Variants in CDK14 observed in about 807,000 individuals in gnomAD.
The protein encoded by CDK14 is cyclin dependent kinase 14, also known as cyclin-dependent kinase 14.
Under a neutral mutation model 60.7 loss-of-function variants are expected in CDK14, and 34 were observed. That is an observed-to-expected ratio of 0.56 (90% CI 0.43 to 0.75). The LOEUF (loss-of-function observed/expected upper bound fraction) is 0.75. Ranked by LOEUF, CDK14 falls within the 30% of genes least tolerant of loss-of-function variation. The pLI, the probability that CDK14 is intolerant of heterozygous loss-of-function variation, is 0.00. For missense variants in CDK14, 482 were observed against 564.1 expected (o/e 0.85, Z 1.47); for synonymous variants, 197 against 203.7 (o/e 0.97, Z 0.28).
chr7:90,772,631 C>T (rs1049227484), intron 4 of CDK14, among the ~76,000 whole-genome samples: 2 of 152,148 alleles, frequency 1.3e-5, no homozygotes, highest in Admixed American at 1.3e-4. Flanking sequence ...GTGCTTGCTT[C>T]CCCTTCGCCC....
At chr7:90,719,932 A>G (rs1024076193) in intron 2 of CDK14, among the ~76,000 whole-genome samples, 1 of 152,190 alleles carries the variant, frequency 6.6e-6, no homozygotes, top group South Asian at 2.1e-4. Flanking sequence ...ATAGCTGTCT[A>G]CTGGAATTTG....
intron 5 of CDK14, among the ~76,000 whole-genome samples, chr7:90,795,730 A>T (rs958882854): frequency 1.3e-5 from 2 of 152,140 alleles, no homozygotes; most frequent in Non-Finnish European, 2.9e-5. Context: ...AGGGACAGGG[A>T]CTCTGGGCCA....
chr7:91,168,356 C>G (rs996265269), intron 14 of CDK14, among the ~76,000 whole-genome samples: 1 of 151,598 alleles, frequency 6.6e-6, no homozygotes, highest in Non-Finnish European at 1.5e-5. Context: ...GGGCCTGGCA[C>G]ATAGGAAACA....
At chr7:91,077,776 G>A (rs1010325574) in intron 11 of CDK14, among the ~76,000 whole-genome samples, 1 of 140,228 alleles carries the variant, frequency 7.1e-6, no homozygotes, top group African/African-American at 2.7e-5. Flanking sequence ...ACACACACAC[G>A]GGCAAACTTG....
intron 13 of CDK14, 92 bp downstream of exon 13, chr7:91,112,773 T>TA (rs1799502977): frequency 1.5e-6 from 2 of 1,336,156 alleles, no homozygotes; most frequent in Admixed American, 1.8e-5. Flanking sequence ...GATTCACATA[T>TA]TTGTGTGTCC....
intron 14 of CDK14, among the ~76,000 whole-genome samples, chr7:91,185,571 A>G (rs1802151424): frequency 6.6e-6 from 1 of 152,054 alleles, no homozygotes; most frequent in South Asian, 2.1e-4. Flanking sequence ...TCATTATTAC[A>G]TTCATAAGCA....
In CDK14 at chr7:90,610,396, TC is replaced by T. The variant is rs1009832954; in HGVS notation, c.123+6149del. 6.6e-5 allele frequency among the ~76,000 whole-genome samples: 10 copies of T among 152,200 alleles called. 1 individual carries two copies. Among genetic ancestry groups the T allele is most frequent in the Admixed American group, 1.3e-4 (2 of 15,276 alleles). ...AACTGTGGACCATCTTGCATTTGTG[TC>T]CTTGTGCCGCTGGCCTGTTTCCTGC... On this transcript the variant is annotated intron_variant, in intron 2 of 14. Transcript: ENST00000380050.
At chr7:91,013,656 GTT>G (rs56934476) in intron 10 of CDK14, among the ~76,000 whole-genome samples, 234 of 123,372 alleles carry the variant, frequency 1.9e-3, no homozygotes, top group Middle Eastern at 0.014. Flanking sequence ...CATTGCCTCT[GTT>G]TTTTTTTTTT....
intron 4 of CDK14, among the ~76,000 whole-genome samples, chr7:90,760,544 C>CT (rs1804271576): frequency 6.6e-6 from 1 of 152,156 alleles, no homozygotes; most frequent in Non-Finnish European, 1.5e-5. Context: ...ACAAGCTCTG[C>CT]TGTAGGATGC....
chr7:91,005,913 T>C (rs1013258266), intron 10 of CDK14, among the ~76,000 whole-genome samples: 1 of 152,212 alleles, frequency 6.6e-6, no homozygotes, highest in Admixed American at 6.5e-5. Context: ...GGGGTCCACA[T>C]GGCACTTAAC....
chr7:90,860,672 C>T (rs1015180614), intron 5 of CDK14, among the ~76,000 whole-genome samples: 35 of 152,000 alleles, frequency 2.3e-4, no homozygotes, highest in African/African-American at 6.7e-4. Flanking sequence ...ATTACAGGCA[C>T]GTGCCACCAC....
intron 10 of CDK14, among the ~76,000 whole-genome samples, chr7:91,017,005 C>G (rs1796318110): frequency 6.6e-6 from 1 of 152,142 alleles, no homozygotes; most frequent in African/African-American, 2.4e-5. Context: ...AGGCAAAATT[C>G]CTATGGGGCT....
chr7:91,049,793 G>T (rs1404868372), intron 11 of CDK14, among the ~76,000 whole-genome samples: 1 of 152,112 alleles, frequency 6.6e-6, no homozygotes, highest in Non-Finnish European at 1.5e-5. Flanking sequence ...TATGTCTAGG[G>T]ACTGGAGATG....
chr7:91,027,734 C>T, intron 10 of CDK14, among the ~76,000 whole-genome samples: 1 of 142,524 alleles, frequency 7.0e-6, no homozygotes, highest in Admixed American at 7.4e-5. Context: ...GTGGTGAAGT[C>T]TGGGCTTTAG....
Position 91,115,268 on chromosome 7 carries a change from T to G in CDK14, c.1294+2587T>G, listed in dbSNP as rs1299211876. 2.6e-5 allele frequency among the ~76,000 whole-genome samples: 4 copies of G among 152,158 alleles called. No homozygotes were observed. The East Asian group carries it at 7.7e-4, about 29-fold the overall frequency. ...TTAAACAGCAGACATTTATTTCTCT[T>G]GGGGATGGGAGGTCCAAGATAAAGG... On this transcript the variant is annotated intron_variant, in intron 13 of 14. Transcript: ENST00000380050.
rs1799434590 is a variant in CDK14 at position 90,607,136 on chromosome 7, AAG to A, written c.123+2890_123+2891del. ...AAATGACAATTTTATCACATCAGAA[AAG>A]AGCACTAAAACTCTGCTTATGTACA... On this transcript the variant is annotated intron_variant, in intron 2 of 14. Coordinates refer to ENST00000380050, the MANE Select transcript of CDK14 (RefSeq NM_001287135.2). Among the ~76,000 whole-genome samples, 3 of 152,356 alleles carry A rather than the reference AAG, an allele frequency of 2.0e-5. No homozygotes were observed. In the South Asian group the frequency reaches 6.2e-4, roughly 32 times the overall value.
intron 8 of CDK14, among the ~76,000 whole-genome samples, chr7:90,947,762 C>T (rs1172015075): frequency 1.3e-5 from 2 of 152,024 alleles, no homozygotes; most frequent in Admixed American, 6.6e-5. Context: ...TCATAAGCCT[C>T]CCATACAAAC....
chr7:90,665,100 T>C (rs1308422332), intron 2 of CDK14, among the ~76,000 whole-genome samples: 1 of 151,774 alleles, frequency 6.6e-6, no homozygotes, highest in Non-Finnish European at 1.5e-5. Context: ...GCCAACATGG[T>C]GAAATCCAGT....
At chr7:90,797,728 G>A (rs563485224) in intron 5 of CDK14, among the ~76,000 whole-genome samples, 1 of 152,048 alleles carries the variant, frequency 6.6e-6, no homozygotes. Context: ...AAGCAGGCAC[G>A]TCTTACATGC....
Sources: allele counts gnomAD v4.1 joint callset (sites outside exome capture counted in the v4.1 genomes callset), GRCh38; gene constraint gnomAD v4.1.1; transcripts MANE v1.5; gene names NCBI Gene and HGNC (gene_info 2026-07-23, HGNC 2026-07-21).